The following RGL1 variants were observed in gnomAD, a reference collection of about 807,000 sequenced individuals.
The protein encoded by RGL1 is ral guanine nucleotide dissociation stimulator-like 1.
RGL1 carries 24 observed loss-of-function variants against 95.2 expected under a neutral mutation model. That is an observed-to-expected ratio of 0.25 (90% CI 0.18 to 0.35). RGL1 has a LOEUF of 0.35. Ranked by LOEUF, RGL1 falls within the 10% of genes least tolerant of loss-of-function variation. The pLI is 1.00. For missense variants in RGL1, 715 were observed against 936.3 expected (o/e 0.76, Z 3.08); for synonymous variants, 329 against 344.9 (o/e 0.95, Z 0.51).
At chr1:183,893,357 T>A (rs1002431135) in intron 9 of RGL1, among the ~76,000 whole-genome samples, 1 of 152,246 alleles carries the variant, frequency 6.6e-6, no homozygotes. Context: ...TCTGTTGACT[T>A]CATAGAATTG....
chr1:183,664,096 G>A (rs1216233519), intron 1 of RGL1, among the ~76,000 whole-genome samples: 2 of 149,956 alleles, frequency 1.3e-5, no homozygotes, highest in Non-Finnish European at 3.0e-5. Context: ...ATAGCTTTAG[G>A]AGATATACCT....
chr1:183,891,747 T>TG (rs1442156135), intron 8 of RGL1, among the ~76,000 whole-genome samples: 1 of 82,750 alleles, frequency 1.2e-5, no homozygotes, highest in Non-Finnish European at 2.4e-5. Context: ...TTTTTTTTTT[T>TG]TTTTTTTTTT....
At chr1:183,737,988 C>G (rs1657047778) in intron 1 of RGL1, among the ~76,000 whole-genome samples, 1 of 152,162 alleles carries the variant, frequency 6.6e-6, no homozygotes, top group Non-Finnish European at 1.5e-5. Context: ...ATATTTTAGA[C>G]CAATTCTTAA....
chr1:183,841,026 CA>C (rs1664025787), intron 2 of RGL1, among the ~76,000 whole-genome samples: 1 of 152,174 alleles, frequency 6.6e-6, no homozygotes, highest in Non-Finnish European at 1.5e-5. Flanking sequence ...ATTTTACTCA[CA>C]TTTTATTGTA....
intron 2 of RGL1, among the ~76,000 whole-genome samples, chr1:183,791,643 AC>A (rs1196913880): frequency 6.6e-6 from 1 of 152,202 alleles, no homozygotes; most frequent in Non-Finnish European, 1.5e-5. Context: ...ATTTTTTAAA[AC>A]TTTTCTATGT....
At position 183,897,705 on chromosome 1, in the gene RGL1, C is replaced by T. The variant is rs565847045; in HGVS notation, c.1141-103C>T. On this transcript the variant is annotated intron_variant, in intron 9 of 17. Transcript: ENST00000360851. Reference sequence around the variant, plus strand: ...TCTTCATTTTGCATGGTGTTCCGAGCGAGAGTTATGCAGGGTTGTGTGCGA... The same window carrying T: ...TCTTCATTTTGCATGGTGTTCCGAGTGAGAGTTATGCAGGGTTGTGTGCGA... The T allele has an allele frequency of 2.3e-4, 177 of 769,556 alleles. No homozygotes were observed. In the South Asian group the frequency reaches 3.0e-3, roughly 13 times the overall value. The allele number at this position is 769,556 out of a possible 1,614,324, so 47.7% of individuals were successfully genotyped here. A position where few individuals can be genotyped will look rare whatever the true frequency, so the allele number is the denominator to read the frequency against.
At chr1:183,661,253 A>T (rs1396589283) in intron 1 of RGL1, among the ~76,000 whole-genome samples, 7 of 152,236 alleles carry the variant, frequency 4.6e-5, no homozygotes, top group Admixed American at 4.6e-4. Context: ...CCTTCAAAAA[A>T]TTAATGAATC....
chr1:183,792,800 G>A (rs373652489), intron 2 of RGL1, among the ~76,000 whole-genome samples: 17 of 152,164 alleles, frequency 1.1e-4, no homozygotes, highest in African/African-American at 3.8e-4. Flanking sequence ...AGAAATTGAA[G>A]AGAACACAAA....
Position 183,884,590 on chromosome 1 carries a change from C to G in RGL1, c.736-133C>G. 3 of 696,318 alleles carry G rather than the reference C, an allele frequency of 4.3e-6. No homozygotes were observed. The African/African-American group carries it at 5.4e-5, about 13-fold the overall frequency. 43.1% of individuals were successfully genotyped at this position (696,318 alleles called of 1,614,324 possible). A position where few individuals can be genotyped will look rare whatever the true frequency, so the allele number is the denominator to read the frequency against. On this transcript the variant is annotated intron_variant, in intron 6 of 17. Transcript: ENST00000360851. ...TACTTTTGTCTGTTGAAATGGACAC[C>G]ATGAGACAAATCAAGTAGAAAAGGA... is the stretch of plus-strand genomic sequence containing the variant.
At chr1:183,741,869 AG>A (rs1258355192) in intron 1 of RGL1, among the ~76,000 whole-genome samples, 1 of 152,220 alleles carries the variant, frequency 6.6e-6, no homozygotes, top group Non-Finnish European at 1.5e-5. Context: ...TATAACAGGC[AG>A]ATGATGGCTT....
At chr1:183,800,258 CATAA>C (rs1660918347), upstream of RGL1, among the ~76,000 whole-genome samples, 1 of 152,092 alleles carries the variant, frequency 6.6e-6, no homozygotes, top group African/African-American at 2.4e-5. Context: ...CCAATGAATA[CATAA>C]ATAAATGAAT....
At chr1:183,713,087 A>G (rs1655384544) in intron 1 of RGL1, among the ~76,000 whole-genome samples, 2 of 152,114 alleles carry the variant, frequency 1.3e-5, no homozygotes, top group Admixed American at 6.5e-5. Context: ...GTACAGTGGC[A>G]TGATCTCGGC....
At chr1:183,656,306 T>G (rs747833709) in intron 1 of RGL1, among the ~76,000 whole-genome samples, 27 of 152,216 alleles carry the variant, frequency 1.8e-4, no homozygotes, top group Non-Finnish European at 3.2e-4. Flanking sequence ...CCTAAAGTTT[T>G]GGTCAGTGTC....
chr1:183,734,835 A>AT (rs1656835769), intron 1 of RGL1, among the ~76,000 whole-genome samples: 1 of 152,170 alleles, frequency 6.6e-6, no homozygotes, highest in Admixed American at 6.5e-5. Flanking sequence ...GCTAAAGGAT[A>AT]TTTTTTTGTG....
intron 15 of RGL1, among the ~76,000 whole-genome samples, chr1:183,915,983 G>A (rs534048215): frequency 2.1e-4 from 32 of 152,030 alleles, no homozygotes; most frequent in African/African-American, 4.3e-4. Context: ...ATGCAGAGCC[G>A]TATAATCTGG....
chr1:183,885,027 G>C, intron 7 of RGL1, 89 bp downstream of exon 7: 1 of 1,162,314 alleles, frequency 8.6e-7, no homozygotes, highest in Non-Finnish European at 1.2e-6. Flanking sequence ...CTGTTTGGTT[G>C]AAAAGGCAGT....
intron 2 of RGL1, among the ~76,000 whole-genome samples, chr1:183,813,651 A>T (rs78886146): frequency 0.019 from 2,887 of 152,344 alleles, 82 homozygotes; most frequent in African/African-American, 0.065. Flanking sequence ...AGTTAAACTT[A>T]TAATTGTGTT....
intron 2 of RGL1, among the ~76,000 whole-genome samples, chr1:183,820,318 A>G (rs1009148882): frequency 2.6e-5 from 4 of 152,176 alleles, no homozygotes; most frequent in African/African-American, 9.7e-5. Flanking sequence ...GATATTTGTT[A>G]TGTTTCTGAT....
intron 3 of RGL1, among the ~76,000 whole-genome samples, chr1:183,861,583 C>T (rs1665512057): frequency 6.6e-6 from 1 of 152,172 alleles, no homozygotes; most frequent in Non-Finnish European, 1.5e-5. Context: ...CTTTAGGAGA[C>T]ATTTGTAAAT....
Sources: gnomAD v4.1 joint callset for allele counts (sites outside exome capture counted in the v4.1 genomes callset) on GRCh38, gnomAD v4.1.1 for gene constraint, MANE v1.5 for transcripts, NCBI Gene and HGNC (gene_info 2026-07-23, HGNC 2026-07-21) for gene names.